GXYLT2: variants seen among roughly 807,000 people sequenced by gnomAD.
The protein encoded by GXYLT2 is glucoside xylosyltransferase 2.
In GXYLT2, 53 loss-of-function variants were observed where a neutral mutation model predicts 45.8. The ratio of observed to expected loss-of-function variants is 1.16; its 90% CI spans 0.93 to 1.46. The LOEUF (loss-of-function observed/expected upper bound fraction) is 1.46. Among genes scored for constraint, GXYLT2 ranks in the 40% most tolerant of loss-of-function variants. The pLI is 0.00. For synonymous variants in GXYLT2, 219 were observed against 214.2 expected (o/e 1.02, Z -0.19); for missense variants, 551 against 544.4 (o/e 1.01, Z -0.12).
At chr3:72,947,121 G>A (rs182878834) in intron 3 of GXYLT2, among the ~76,000 whole-genome samples, 24 of 152,184 alleles carry the variant, frequency 1.6e-4, no homozygotes, top group African/African-American at 7.2e-5. Flanking sequence ...CAAAGTGCCC[G>A]ATGAGCTACC....
intron 1 of GXYLT2, among the ~76,000 whole-genome samples, chr3:72,889,907 GTTTT>G (rs5850087): frequency 8.4e-6 from 1 of 118,786 alleles, no homozygotes; most frequent in Non-Finnish European, 1.7e-5. Flanking sequence ...TTTTTTTTTT[GTTTT>G]TTTTTTTTTT....
intron 3 of GXYLT2, among the ~76,000 whole-genome samples, chr3:72,924,278 C>G (rs1709880302): frequency 6.6e-6 from 1 of 150,832 alleles, no homozygotes; most frequent in Non-Finnish European, 1.5e-5. Flanking sequence ...ACTGCAGCCT[C>G]CAACTCCTGG....
intron 3 of GXYLT2, among the ~76,000 whole-genome samples, chr3:72,937,811 C>T (rs1023264803): frequency 6.6e-6 from 1 of 152,184 alleles, no homozygotes; most frequent in East Asian, 1.9e-4. Context: ...TTTGCTCAGA[C>T]TCGCCAGTTT....
At chr3:72,913,436 T>G (rs1709674383) in intron 2 of GXYLT2, among the ~76,000 whole-genome samples, 1 of 151,850 alleles carries the variant, frequency 6.6e-6, no homozygotes, top group Non-Finnish European at 1.5e-5. Flanking sequence ...GGCTCACGCC[T>G]GTAATCCCAG....
Position 72,955,012 on chromosome 3 carries a change from A to G in GXYLT2, c.601-86A>G, listed in dbSNP as rs1196235323. 1.3e-5 allele frequency: 19 copies of G among 1,407,596 alleles called. No individual in the cohort carries two copies. The Admixed American group carries it at 2.7e-4, about 20-fold the overall frequency. The allele number at this position is 1,407,596 out of a possible 1,614,324, so 87.2% of individuals were successfully genotyped here. ...CAAAAGTTGGTAGCATTATTTACCT[A>G]TCAGGCTACTTCCTTTGTTTCTGAC... On this transcript the variant is annotated intron_variant, in intron 3 of 6. Coordinates refer to ENST00000389617, the MANE Select transcript of GXYLT2 (RefSeq NM_001080393.2).
intron 2 of GXYLT2, among the ~76,000 whole-genome samples, chr3:72,921,648 C>A (rs1385947399): frequency 6.6e-6 from 1 of 152,090 alleles, no homozygotes; most frequent in Non-Finnish European, 1.5e-5. Flanking sequence ...AGGCTGGTCT[C>A]AAACTTCTGG....
intron 3 of GXYLT2, among the ~76,000 whole-genome samples, chr3:72,934,835 A>G (rs1041019067): frequency 2.6e-5 from 4 of 152,198 alleles, no homozygotes; most frequent in Non-Finnish European, 4.4e-5. Context: ...TGTTTCTACC[A>G]TGTAGAGCCC....
At chr3:72,937,688 T>C (rs1710217772) in intron 3 of GXYLT2, among the ~76,000 whole-genome samples, 1 of 152,222 alleles carries the variant, frequency 6.6e-6, no homozygotes. Flanking sequence ...TCTCCTCTAC[T>C]TGTAGAAGAC....
chr3:72,929,260 G>T, intron 3 of GXYLT2: 1 of 1,478,556 alleles, frequency 6.8e-7, no homozygotes, highest in East Asian at 2.3e-5. Context: ...TGATGACGTT[G>T]CAGAACCAAC....
At chr3:72,950,493 C>T (rs942314173) in intron 3 of GXYLT2, among the ~76,000 whole-genome samples, 19 of 151,866 alleles carry the variant, frequency 1.3e-4, no homozygotes, top group African/African-American at 2.4e-4. Context: ...TAGCTGGCCG[C>T]GGTAACTCAT....
At position 72,908,508 on chromosome 3, in the gene GXYLT2, C is replaced by A; in HGVS notation, c.417C>A (p.Ile139=). ...KSAVLFSHRK[I]QFHIFTEDSL... ...CTGTGCTTTTTAGCCACAGGAAGAT[C>A]CAATTCCACATCTTCACTGAAGACT... The change falls in exon 2 of 7, where the codon ATC becomes ATA. Residue 139 remains isoleucine (I), a synonymous_variant. Transcript: ENST00000389617. 1 of 1,613,754 alleles carries A rather than the reference C, an allele frequency of 6.2e-7. No homozygotes were observed. Among genetic ancestry groups the A allele is most frequent in the Non-Finnish European group, 8.5e-7 (1 of 1,179,844 alleles).
chr3:72,904,891 AAAAAAAAT>A (rs1487569398), intron 1 of GXYLT2, among the ~76,000 whole-genome samples: 2 of 136,802 alleles, frequency 1.5e-5, no homozygotes, highest in Non-Finnish European at 1.6e-5. Flanking sequence ...AAAAAAAAAA[AAAAAAAAT>A]TAACCAGGTG....
chr3:72,932,092 G>C (rs1260735300), intron 3 of GXYLT2, among the ~76,000 whole-genome samples: 1 of 150,290 alleles, frequency 6.7e-6, no homozygotes, highest in South Asian at 2.1e-4. Context: ...TTTTGAGATG[G>C]AGTTTTCTGG....
chr3:72,970,877 GC>G (rs1437899869), intron 6 of GXYLT2, among the ~76,000 whole-genome samples: 2 of 152,104 alleles, frequency 1.3e-5, no homozygotes, highest in African/African-American at 4.8e-5. Flanking sequence ...AAAGAAAAAA[GC>G]AATTTCTAGA....
At chr3:72,966,825 A>G (rs746182280) in intron 5 of GXYLT2, among the ~76,000 whole-genome samples, 11 of 151,886 alleles carry the variant, frequency 7.2e-5, no homozygotes, top group Non-Finnish European at 1.3e-4. Context: ...AGGTTTCGCC[A>G]TGTTGGCCAG....
At chr3:72,962,816 T>C (rs1710792972) in intron 5 of GXYLT2, among the ~76,000 whole-genome samples, 1 of 152,076 alleles carries the variant, frequency 6.6e-6, no homozygotes, top group Non-Finnish European at 1.5e-5. Flanking sequence ...CCCTCAAGGC[T>C]GGAGAGAGAA....
chr3:72,897,707 G>T lies in GXYLT2; in HGVS notation c.275+9199G>T, dbSNP rs115653341. 5.4e-3 allele frequency among the ~76,000 whole-genome samples: 830 copies of T among 152,312 alleles called. 10 individuals carry two copies. The highest frequency in any genetic ancestry group is 0.019 in the African/African-American group (788 of 41,570). ...GTGGTATGCCCATTTTACAGATGAG[G>T]AAACTGAGGGCTAAAGGTGGTTAAA... is the stretch of plus-strand genomic sequence containing the variant. On this transcript the variant is annotated intron_variant, in intron 1 of 6. Coordinates refer to ENST00000389617, the MANE Select transcript of GXYLT2 (RefSeq NM_001080393.2).
chr3:72,930,616 CAG>C (rs1401021310), intron 3 of GXYLT2, among the ~76,000 whole-genome samples: 1 of 110,436 alleles, frequency 9.1e-6, no homozygotes, highest in Non-Finnish European at 1.8e-5. Context: ...TTTTTTGACA[CAG>C]GGTTTCACTC....
At chr3:72,952,767 A>G (rs1488101041) in intron 3 of GXYLT2, among the ~76,000 whole-genome samples, 1 of 152,018 alleles carries the variant, frequency 6.6e-6, no homozygotes, top group Non-Finnish European at 1.5e-5. Context: ...CACTGATCCC[A>G]TCTTGAGAGC....
Sources: gnomAD v4.1 joint callset for allele counts (sites outside exome capture counted in the v4.1 genomes callset) on GRCh38, gnomAD v4.1.1 for gene constraint, MANE v1.5 for transcripts, NCBI Gene and HGNC (gene_info 2026-07-23, HGNC 2026-07-21) for gene names.